CNBD1: variants seen among roughly 807,000 people sequenced by gnomAD.
CNBD1 encodes cyclic nucleotide binding domain containing 1, also known as cyclic nucleotide-binding domain-containing protein 1.
CNBD1 carries 71 observed loss-of-function variants against 54.4 expected under a neutral mutation model. The ratio of observed to expected loss-of-function variants is 1.30; its 90% CI spans 1.08 to 1.59. The LOEUF (loss-of-function observed/expected upper bound fraction) is 1.59, where lower values mean the gene tolerates loss of function less well. CNBD1 is among the 40% of genes most tolerant of loss of function. The pLI, the probability that CNBD1 is intolerant of heterozygous loss-of-function variation, is 0.00. For synonymous variants in CNBD1, 182 were observed against 170.7 expected, an observed-to-expected ratio of 1.07 and a Z score of -0.51; for missense variants, 659 against 518.0, an observed-to-expected ratio of 1.27 and a Z score of -2.64.
downstream of CNBD1, among the ~76,000 whole-genome samples, chr8:87,384,688 G>T (rs949570421): frequency 1.3e-5 from 2 of 152,106 alleles, no homozygotes; most frequent in African/African-American, 4.8e-5. Flanking sequence ...ACTTACTAAG[G>T]ACTATCAAAT....
rs900644214 is a variant in CNBD1, at chr8:87,268,400, C to G, written c.772-16278C>G. ...CATGTCTTTGCTATTATGAATAGTA[C>G]TGTGATTAACATATGAGTACATGTG... On this transcript the variant is annotated intron_variant, in intron 6 of 10. Transcript: ENST00000518476. Among the ~76,000 whole-genome samples, 3 of 152,034 alleles carry G rather than the reference C, an allele frequency of 2.0e-5. No individual in the cohort carries two copies. The East Asian group carries it at 5.8e-4, about 29-fold the overall frequency.
At chr8:87,258,573 C>G (rs57447871) in intron 6 of CNBD1, among the ~76,000 whole-genome samples, 1 of 151,732 alleles carries the variant, frequency 6.6e-6, no homozygotes, top group Non-Finnish European at 1.5e-5. Context: ...AGGCATGAAC[C>G]ACCATGCCAG....
At chr8:87,390,792 A>G (rs554628966) in intron 2 of CNBD1, among the ~76,000 whole-genome samples, 3 of 152,078 alleles carry the variant, frequency 2.0e-5, no homozygotes, top group Non-Finnish European at 2.9e-5. Context: ...ACATGCACAC[A>G]TATGTTTATT....
intron 4 of CNBD1, among the ~76,000 whole-genome samples, chr8:87,125,714 G>T (rs942719834): frequency 1.3e-5 from 2 of 151,770 alleles, no homozygotes; most frequent in African/African-American, 2.4e-5. Flanking sequence ...CATATTAAAA[G>T]TATATAGTTT....
rs1192675752 is a variant in CNBD1, at chr8:87,227,859, C to G, written c.578-9060C>G. 4.7e-5 allele frequency among the ~76,000 whole-genome samples: 7 copies of G among 148,170 alleles called. No homozygotes were observed. In the East Asian group the frequency reaches 9.7e-4, roughly 21 times the overall value. On this transcript the variant is annotated intron_variant, in intron 5 of 10. Transcript: ENST00000518476. The stretch of plus-strand genomic sequence containing the variant: ...GTTTTCTAACTTGGTTCCATTCTCC[C>G]CATCACTTTCAGGTACACCAGTCAG...
chr8:86,976,453 C>A (rs977475045), intron 4 of CNBD1, among the ~76,000 whole-genome samples: 9 of 151,792 alleles, frequency 5.9e-5, no homozygotes, highest in Admixed American at 3.9e-4. Context: ...ATGTGGATAT[C>A]CAGTTTTCTA....
At chr8:87,369,531 T>G (rs1226470118) in intron 10 of CNBD1, among the ~76,000 whole-genome samples, 1 of 151,988 alleles carries the variant, frequency 6.6e-6, no homozygotes, top group Non-Finnish European at 1.5e-5. Context: ...TATCTGGAAA[T>G]GTCTTTATTT....
At chr8:87,301,259 C>T (rs535088139) in intron 8 of CNBD1, among the ~76,000 whole-genome samples, 157 of 152,200 alleles carry the variant, frequency 1.0e-3, no homozygotes, top group African/African-American at 3.4e-3. Flanking sequence ...CAGCAGAATT[C>T]TACCAAACAT....
At chr8:87,365,889 T>C (rs1222988673) in intron 10 of CNBD1, among the ~76,000 whole-genome samples, 1 of 152,132 alleles carries the variant, frequency 6.6e-6, no homozygotes, top group African/African-American at 2.4e-5. Context: ...ACATTCTTTA[T>C]TATTTGTTCA....
rs946926747 is a variant in CNBD1, at chr8:87,043,024, G to A, written c.431+103270G>A. On this transcript the variant is annotated intron_variant, in intron 4 of 10. Coordinates refer to ENST00000518476, the MANE Select transcript of CNBD1 (RefSeq NM_173538.3). ...AATTTGCCAAGACAGCTGTAGGTAA[G>A]GAAAGGCAGATTTATTAGAGAAAGT... 2.0e-5 allele frequency among the ~76,000 whole-genome samples: 3 copies of A among 152,162 alleles called. 1 individual carries two copies. The highest frequency in any genetic ancestry group is 7.2e-5 in the African/African-American group (3 of 41,440).
chr8:87,002,724 C>T lies in CNBD1; in HGVS notation c.431+62970C>T, dbSNP rs914910724. 2.0e-5 allele frequency among the ~76,000 whole-genome samples: 3 copies of T among 151,966 alleles called. 1 individual carries two copies. The highest frequency in any genetic ancestry group is 1.5e-5 in the Non-Finnish European group (1 of 68,006). On this transcript the variant is annotated intron_variant, in intron 4 of 10. Transcript: ENST00000518476. Reference sequence around the variant, plus strand: ...TCTCCCAACTCTGCCTTCTTCATCCCTCTTACCCTTATTTTTTTCTTTTTC... The same window carrying T: ...TCTCCCAACTCTGCCTTCTTCATCCTTCTTACCCTTATTTTTTTCTTTTTC...
intron 4 of CNBD1, among the ~76,000 whole-genome samples, chr8:87,039,848 G>T (rs1308412910): frequency 6.6e-6 from 1 of 152,110 alleles, no homozygotes; most frequent in East Asian, 1.9e-4. Context: ...ATGACTGGTT[G>T]GGTTGGAGAT....
intron 2 of CNBD1, among the ~76,000 whole-genome samples, chr8:87,391,104 G>T (rs933488552): frequency 3.9e-5 from 6 of 151,926 alleles, no homozygotes; most frequent in African/African-American, 1.5e-4. Context: ...GGTGGGGGAA[G>T]GGGGGAGGGA....
intron 4 of CNBD1, among the ~76,000 whole-genome samples, chr8:87,051,421 A>G (rs1440685431): frequency 6.6e-6 from 1 of 152,148 alleles, no homozygotes; most frequent in Non-Finnish European, 1.5e-5. Context: ...CAGCAGCACT[A>G]GAGGAATTAA....
At chr8:87,095,184 A>G (rs1167978254) in intron 4 of CNBD1, among the ~76,000 whole-genome samples, 1 of 152,234 alleles carries the variant, frequency 6.6e-6, no homozygotes, top group South Asian at 2.1e-4. Flanking sequence ...ACAGTGTCAT[A>G]TTTCTACAAA....
intron 3 of CNBD1, among the ~76,000 whole-genome samples, chr8:86,910,731 C>T (rs1015912929): frequency 3.9e-5 from 6 of 152,014 alleles, no homozygotes; most frequent in Non-Finnish European, 7.4e-5. Context: ...GGGTAATACC[C>T]AAGGTTTGTT....
At chr8:86,930,600 G>T (rs1397418243) in intron 3 of CNBD1, among the ~76,000 whole-genome samples, 1 of 152,166 alleles carries the variant, frequency 6.6e-6, no homozygotes, top group Non-Finnish European at 1.5e-5. Flanking sequence ...GCAGAAGAAG[G>T]CATCCTTGAG....
chr8:86,917,155 A>G (rs375731161), intron 3 of CNBD1, among the ~76,000 whole-genome samples: 148 of 114,380 alleles, frequency 1.3e-3, no homozygotes, highest in African/African-American at 4.0e-3. Context: ...AAAGAAAAAA[A>G]AAGAATATCT....
At chr8:87,367,558 G>C (rs1406680935) in intron 10 of CNBD1, among the ~76,000 whole-genome samples, 1 of 152,080 alleles carries the variant, frequency 6.6e-6, no homozygotes, top group Non-Finnish European at 1.5e-5. Context: ...ACGTTGTTAT[G>C]AGATGTACTG....
Sources: gnomAD v4.1 joint callset for allele counts (sites outside exome capture counted in the v4.1 genomes callset) on GRCh38, gnomAD v4.1.1 for gene constraint, MANE v1.5 for transcripts, NCBI Gene and HGNC (gene_info 2026-07-23, HGNC 2026-07-21) for gene names.